The following PCDHA11 variants were observed in gnomAD, a reference collection of about 807,000 sequenced individuals.
PCDHA11 encodes the protein protocadherin alpha-11.
In PCDHA11, 61 loss-of-function variants were observed where a neutral mutation model predicts 70.3. That is an observed-to-expected ratio of 0.87 (90% CI 0.71 to 1.07). The LOEUF is 1.07. Among genes scored for constraint, PCDHA11 ranks in the 50% least tolerant of loss-of-function variants. The pLI, the probability that PCDHA11 is intolerant of heterozygous loss-of-function variation, is 0.00. For synonymous variants in PCDHA11, 633 were observed against 555.1 expected, an observed-to-expected ratio of 1.14 and a Z score of -1.97; for missense variants, 1,324 against 1,237.5, an observed-to-expected ratio of 1.07 and a Z score of -1.05.
At chr5:140,958,069 A>C (rs2095407625) in intron 1 of PCDHA11, among the ~76,000 whole-genome samples, 1 of 152,104 alleles carries the variant, frequency 6.6e-6, no homozygotes. Flanking sequence ...AAAAACACAG[A>C]AGCAAAAAGT....
intron 3 of PCDHA11, among the ~76,000 whole-genome samples, chr5:140,986,426 T>C (rs1405347449): frequency 1.3e-5 from 2 of 152,216 alleles, no homozygotes; most frequent in East Asian, 3.9e-4. Context: ...TTTAACTTCA[T>C]GAGTACTAAT....
chr5:140,997,711 C>T (rs963457412), intron 3 of PCDHA11, among the ~76,000 whole-genome samples: 4 of 151,080 alleles, frequency 2.6e-5, no homozygotes. Flanking sequence ...TTAACAAACA[C>T]CTTTCTACGT....
chr5:140,966,922 G>A (rs782206344), intron 1 of PCDHA11: 5 of 1,603,072 alleles, frequency 3.1e-6, no homozygotes, highest in Non-Finnish European at 4.2e-6. Context: ...CAGAGGAGCA[G>A]GCACCCGGCG....
chr5:140,916,068 C>G (rs928159450), intron 1 of PCDHA11, among the ~76,000 whole-genome samples: 1 of 152,166 alleles, frequency 6.6e-6, no homozygotes, highest in African/African-American at 2.4e-5. Context: ...TCCCTGTGGC[C>G]AGTACTACCA....
chr5:140,900,167 T>C (rs756471243), intron 1 of PCDHA11, among the ~76,000 whole-genome samples: 1 of 152,238 alleles, frequency 6.6e-6, no homozygotes, highest in Non-Finnish European at 1.5e-5. Context: ...TGTCTTTCTG[T>C]GCCTGGTTTA....
At position 141,010,228 on chromosome 5, in the gene PCDHA11, C is replaced by T. The variant is rs1290626143; in HGVS notation, c.*291C>T. The stretch of plus-strand genomic sequence containing the variant: ...CCGCAAAGGAGAGGCTTCCCAGCCC[C>T]GCCAGTGAGAGGTTGGACTCTCTGC... On this transcript the variant is annotated 3_prime_UTR_variant, in exon 4 of 4. Coordinates refer to ENST00000398640, the MANE Select transcript of PCDHA11 (RefSeq NM_018902.5). 35 of 1,551,916 alleles carry T rather than the reference C, an allele frequency of 2.3e-5. No homozygotes were observed. The highest frequency in any genetic ancestry group is 2.8e-5 in the Non-Finnish European group (32 of 1,147,054).
chr5:141,006,180 A>C (rs1554260594), intron 3 of PCDHA11, among the ~76,000 whole-genome samples: 5 of 150,546 alleles, frequency 3.3e-5, no homozygotes, highest in Non-Finnish European at 7.4e-5. Context: ...TTTTTAAAAG[A>C]GTTTGCTATA....
At chr5:140,927,259 C>G (rs1262444613) in intron 1 of PCDHA11, 5 of 1,614,042 alleles carry the variant, frequency 3.1e-6, no homozygotes, top group Non-Finnish European at 3.4e-6. Flanking sequence ...CAACTCACCT[C>G]TCTTTCCTGC....
At chr5:141,004,935 A>C (rs1554259817) in intron 3 of PCDHA11, among the ~76,000 whole-genome samples, 1 of 152,112 alleles carries the variant, frequency 6.6e-6, no homozygotes, top group African/African-American at 2.4e-5. Flanking sequence ...GAGAGAAGAA[A>C]ATTTCTTACC....
rs574473083 is a variant in PCDHA11, at chr5:140,908,105, C to T, written c.2391+36611C>T. ...CAGGTGCACTGATTGAAGTTCTGTC[C>T]ACTGGGAAGATTTCCCTTCACTGCT... is the stretch of plus-strand genomic sequence containing the variant. On this transcript the variant is annotated intron_variant, in intron 1 of 3. Coordinates refer to ENST00000398640, the MANE Select transcript of PCDHA11 (RefSeq NM_018902.5). Among the ~76,000 whole-genome samples the T allele has an allele frequency of 5.3e-5, 8 of 152,304 alleles. No individual in the cohort carries two copies. In the East Asian group the frequency reaches 1.4e-3, roughly 26 times the overall value.
chr5:140,894,446 T>A (rs981858089), intron 1 of PCDHA11, among the ~76,000 whole-genome samples: 18 of 152,000 alleles, frequency 1.2e-4, no homozygotes, highest in African/African-American at 3.4e-4. Context: ...AGCTCTTTTT[T>A]AAAAAATATT....
At chr5:140,969,178 C>G (rs2096303822) in intron 1 of PCDHA11, 1 of 1,613,978 alleles carries the variant, frequency 6.2e-7, no homozygotes, top group South Asian at 1.1e-5. Flanking sequence ...CAGGGAGTGA[C>G]ACTTTCATGT....
At chr5:140,882,376 C>G in intron 1 of PCDHA11, 1 of 1,614,190 alleles carries the variant, frequency 6.2e-7, no homozygotes, top group South Asian at 1.1e-5. Context: ...ACTCCGTCCC[C>G]GAGGAAGCAA....
intron 1 of PCDHA11, chr5:140,968,051 C>T (rs1353005851): frequency 1.2e-6 from 2 of 1,614,018 alleles, no homozygotes; most frequent in African/African-American, 1.3e-5. Flanking sequence ...CCCACTGGAC[C>T]GAGAGCGGGT....
chr5:140,929,272 T>C (rs560527071), intron 1 of PCDHA11: 1 of 1,607,152 alleles, frequency 6.2e-7, no homozygotes. Flanking sequence ...TTTGCCAATA[T>C]CCTGTATTCA....
intron 1 of PCDHA11, chr5:140,875,357 C>G (rs1173514822): frequency 6.9e-7 from 1 of 1,446,594 alleles, no homozygotes; most frequent in Non-Finnish European, 9.1e-7. Flanking sequence ...GACTGTGATG[C>G]TGGAAAAAAT....
intron 1 of PCDHA11, among the ~76,000 whole-genome samples, chr5:140,950,286 C>G (rs2094469059): frequency 6.6e-6 from 1 of 151,924 alleles, no homozygotes; most frequent in Non-Finnish European, 1.5e-5. Flanking sequence ...TTGCTTCAAC[C>G]TGAAAAACTT....
intron 1 of PCDHA11, chr5:140,877,530 T>C: frequency 1.2e-6 from 2 of 1,613,780 alleles, no homozygotes; most frequent in Non-Finnish European, 1.7e-6. Context: ...CAGTGGGCGC[T>C]GTGGATCCCG....
chr5:140,892,772 C>G (rs1053940130), intron 1 of PCDHA11, among the ~76,000 whole-genome samples: 1 of 152,144 alleles, frequency 6.6e-6, no homozygotes, highest in African/African-American at 2.4e-5. Context: ...ACTCTTCTAG[C>G]TTCTTGAAAA....
Sources: allele counts gnomAD v4.1 joint callset (sites outside exome capture counted in the v4.1 genomes callset), GRCh38; gene constraint gnomAD v4.1.1; transcripts MANE v1.5; gene names NCBI Gene and HGNC (gene_info 2026-07-23, HGNC 2026-07-21).